Variants in LINGO2 observed in about 807,000 individuals in gnomAD.
LINGO2 encodes the protein leucine-rich repeat and immunoglobulin-like domain-containing nogo receptor-interacting protein 2.
Under a neutral mutation model 30.6 loss-of-function variants are expected in LINGO2, and 14 were observed. That is an observed-to-expected ratio of 0.46 (90% confidence interval 0.30 to 0.72). LINGO2 has a LOEUF of 0.72. Ranked by LOEUF, LINGO2 falls within the 30% of genes least tolerant of loss-of-function variation. LINGO2 has a pLI of 0.07. For missense variants in LINGO2, 729 were observed against 751.7 expected (o/e 0.97, Z 0.35); for synonymous variants, 317 against 288.5 (o/e 1.10, Z -1.00).
At chr9:28,935,709 AAAC>A in the LINGO2 span, among the ~76,000 whole-genome samples, 1 of 151,546 alleles carries the variant, frequency 6.6e-6, no homozygotes, top group African/African-American at 2.4e-5. Flanking sequence ...TTTTTTAAAA[AAAC>A]AAATCTGCAA....
chr9:29,083,652 A>T, the LINGO2 span, among the ~76,000 whole-genome samples: 2 of 151,850 alleles, frequency 1.3e-5, no homozygotes, highest in African/African-American at 2.4e-5. Context: ...ATGAAAAAAA[A>T]AATAGCTGGG....
the LINGO2 span, among the ~76,000 whole-genome samples, chr9:29,177,623 A>C: frequency 6.6e-6 from 1 of 152,168 alleles, no homozygotes; most frequent in African/African-American, 2.4e-5. Context: ...AATAATATTT[A>C]AGAAGATTTT....
chr9:28,096,973 T>C (rs1238937642), intron 4 of LINGO2, among the ~76,000 whole-genome samples: 1 of 152,102 alleles, frequency 6.6e-6, no homozygotes, highest in Non-Finnish European at 1.5e-5. Context: ...TATTTATTGA[T>C]ACAATCATTC....
chr9:28,039,416 GGC>G (rs1485054652), intron 4 of LINGO2, among the ~76,000 whole-genome samples: 2 of 152,104 alleles, frequency 1.3e-5, no homozygotes, highest in Non-Finnish European at 2.9e-5. Flanking sequence ...TTCTAAAAGA[GGC>G]GCAACTAACA....
rs143166913 is a variant in LINGO2 at position 28,045,450 on chromosome 9, A to C, written c.-86-33045T>G. Reference sequence around the variant, plus strand: ...AAGCTATATTCTCTTTGCATATCTGAATGTTGTGTAATTTGACTCTAATGC... The same window carrying C: ...AAGCTATATTCTCTTTGCATATCTGCATGTTGTGTAATTTGACTCTAATGC... On this transcript the variant is annotated intron_variant, in intron 4 of 5. Coordinates refer to ENST00000379992, the Ensembl canonical transcript of LINGO2. 2.6e-3 allele frequency among the ~76,000 whole-genome samples: 402 copies of C among 152,292 alleles called. 3 individuals carry two copies. Among genetic ancestry groups the C allele is most frequent in the African/African-American group, 8.1e-3 (336 of 41,564 alleles).
the LINGO2 span, among the ~76,000 whole-genome samples, chr9:29,204,574 A>G: frequency 6.6e-6 from 1 of 152,144 alleles, no homozygotes; most frequent in Non-Finnish European, 1.5e-5. Context: ...TTCTACAACC[A>G]TATTTTCCTT....
the LINGO2 span, among the ~76,000 whole-genome samples, chr9:28,998,770 A>G: frequency 6.6e-6 from 1 of 152,088 alleles, no homozygotes; most frequent in Non-Finnish European, 1.5e-5. Flanking sequence ...AGTTATAAAC[A>G]GATGCATCAT....
chr9:28,008,511 T>TA (rs1277471520), intron 5 of LINGO2, among the ~76,000 whole-genome samples: 10 of 151,728 alleles, frequency 6.6e-5, no homozygotes, highest in African/African-American at 2.4e-4. Context: ...ACTCAGATTG[T>TA]AAAGGAAGAA....
In LINGO2 at chr9:28,270,363, C is replaced by T. The variant is rs573000610; in HGVS notation, c.-87+24845G>A. Among the ~76,000 whole-genome samples, 152 of 152,026 alleles carry T rather than the reference C, an allele frequency of 1.0e-3. 2 individuals are homozygous for T. The highest frequency in any genetic ancestry group is 3.5e-3 in the African/African-American group (146 of 41,480). ...GTGTTTCCAGATCAGTGGGAGGAGG[C>T]CTTTGGCTGGCAGCACTAGCAATCT... On this transcript the variant is annotated intron_variant, in intron 4 of 5. Transcript: ENST00000379992.
chr9:28,969,077 T>A, the LINGO2 span, among the ~76,000 whole-genome samples: 3 of 152,012 alleles, frequency 2.0e-5, no homozygotes, highest in African/African-American at 7.2e-5. Context: ...AAGAAAAAAA[T>A]ACTTGCCCTG....
In LINGO2 at chr9:28,393,484, TG is replaced by T. The variant is rs544609565; in HGVS notation, c.-278-20617del. 3.7e-3 allele frequency among the ~76,000 whole-genome samples: 562 copies of T among 152,340 alleles called. 3 individuals carry two copies. Among genetic ancestry groups the T allele is most frequent in the Non-Finnish European group, 4.2e-3 (287 of 68,032 alleles). The stretch of plus-strand genomic sequence containing the variant: ...TCTGGTTCAAGATCTGGTGTTTTGC[TG>T]GTTGCCAAATCAATGAAAACTTCAA... On this transcript the variant is annotated intron_variant, in intron 2 of 5. Coordinates refer to ENST00000379992, the Ensembl canonical transcript of LINGO2.
At chr9:28,657,525 T>G (rs1181041735) in intron 1 of LINGO2, among the ~76,000 whole-genome samples, 1 of 152,030 alleles carries the variant, frequency 6.6e-6, no homozygotes, top group East Asian at 1.9e-4. Flanking sequence ...ATTAAGATTA[T>G]CCAATTTGTT....
At chr9:28,523,188 A>G (rs1405772916) in intron 1 of LINGO2, among the ~76,000 whole-genome samples, 1 of 152,066 alleles carries the variant, frequency 6.6e-6, no homozygotes, top group Non-Finnish European at 1.5e-5. Context: ...ACAAAACACC[A>G]TATAAATAGA....
the LINGO2 span, among the ~76,000 whole-genome samples, chr9:29,102,442 G>T: frequency 6.6e-6 from 1 of 152,160 alleles, no homozygotes; most frequent in Non-Finnish European, 1.5e-5. Flanking sequence ...TCTAGAAACA[G>T]AATAATGGGA....
At chr9:28,621,257 T>C (rs2135826171) in intron 1 of LINGO2, among the ~76,000 whole-genome samples, 1 of 152,192 alleles carries the variant, frequency 6.6e-6, no homozygotes. Flanking sequence ...CCACTAACTA[T>C]AAAATTATGA....
chr9:29,011,060 C>T, the LINGO2 span, among the ~76,000 whole-genome samples: 1 of 152,128 alleles, frequency 6.6e-6, no homozygotes, highest in Admixed American at 6.6e-5. Context: ...CCTCATAGTG[C>T]TCACACTGGT....
chr9:29,170,328 C>T, the LINGO2 span, among the ~76,000 whole-genome samples: 1 of 152,078 alleles, frequency 6.6e-6, no homozygotes, highest in Admixed American at 6.6e-5. Flanking sequence ...GGCCATTATC[C>T]TAAGTGAAAT....
At chr9:28,536,662 A>T (rs1821449155) in intron 1 of LINGO2, among the ~76,000 whole-genome samples, 1 of 152,156 alleles carries the variant, frequency 6.6e-6, no homozygotes, top group African/African-American at 2.4e-5. Flanking sequence ...TGTGATAAAT[A>T]TACACTTTTT....
chr9:29,020,876 C>T, the LINGO2 span, among the ~76,000 whole-genome samples: 2 of 151,788 alleles, frequency 1.3e-5, no homozygotes, highest in Non-Finnish European at 2.9e-5. Context: ...TTGCAACAGG[C>T]TACATATAAA....
Sources: allele counts gnomAD v4.1 joint callset (sites outside exome capture counted in the v4.1 genomes callset), GRCh38; gene constraint gnomAD v4.1.1; transcripts MANE v1.5; gene names NCBI Gene and HGNC (gene_info 2026-07-23, HGNC 2026-07-21).